C1R: variants seen among roughly 807,000 people sequenced by gnomAD.
The protein encoded by C1R is complement C1r.
C1R carries 15 observed loss-of-function variants against 27.6 expected under a neutral mutation model. The observed-to-expected ratio is 0.54, with a 90% CI of 0.36 to 0.84. The LOEUF (loss-of-function observed/expected upper bound fraction) is 0.84. Among genes scored for constraint, C1R ranks in the 40% least tolerant of loss-of-function variants. The pLI is 0.01. For missense variants in C1R, 544 were observed against 577.9 expected, an observed-to-expected ratio of 0.94 and a Z score of 0.60; for synonymous variants, 253 against 228.8, an observed-to-expected ratio of 1.11 and a Z score of -0.95.
At position 7,091,479 on chromosome 12, in the gene C1R, A is replaced by G; in HGVS notation, c.204T>C (p.Ser68=). 1.3e-6 allele frequency: 1 copy of G among 774,434 alleles called. No individual in the cohort carries two copies. Among genetic ancestry groups the G allele is most frequent in the Non-Finnish European group, 2.4e-6 (1 of 414,952 alleles). 48.0% of individuals were successfully genotyped at this position (774,434 alleles called of 1,614,324 possible). A position where few individuals can be genotyped will look rare whatever the true frequency, so the allele number is the denominator to read the frequency against. Residue 68 remains serine, a synonymous_variant, in exon 2 of 11, where the codon TCT becomes TCC. Coordinates refer to ENST00000647956, the MANE Select transcript of C1R (RefSeq NM_001733.7). The surrounding 1 kb of genome is among the most constrained non-coding windows in gnomAD (Gnocchi z 5.1). ...LVFQQFDLEP[S]EGCFYDYVKI... ...TGACATAATCATAGAAGCAGCCTTC[A>G]GAAGGCTCCAGGTCAAACTGCTGGA...
chr12:7,089,533 G>T lies in C1R; in HGVS notation c.572-44C>A, dbSNP rs752287162. ...AGGGCATTACGGGGGACTCCAGCTG[G>T]CCCAGCAAGCCCTGGCTCAACCCCT... On this transcript the variant is annotated intron_variant, in intron 4 of 10. Transcript: ENST00000647956. 6.4e-6 allele frequency: 5 copies of T among 779,952 alleles called. No homozygotes were observed. In the African/African-American group the frequency reaches 8.4e-5, roughly 13 times the overall value. The allele number at this position is 779,952 out of a possible 1,614,324, so 48.3% of individuals were successfully genotyped here.
chr12:7,088,736 TG>T lies in C1R; in HGVS notation c.917-6del. 1 of 777,880 alleles carries T rather than the reference TG, an allele frequency of 1.3e-6. No homozygotes were observed. The highest frequency in any genetic ancestry group is 1.7e-5 in the Admixed American group (1 of 58,524). The allele number at this position is 777,880 out of a possible 1,614,324, so 48.2% of individuals were successfully genotyped here. On this transcript the variant is annotated splice_polypyrimidine_tract_variant and splice_region_variant and intron_variant, in intron 6 of 10. Transcript: ENST00000647956. ...TGGGCTGGGGGCACTTGATGACTGTTGGGGAGACCAGGGGGCATATTTATTT... is the reference window on the plus strand; with the variant it reads ...TGGGCTGGGGGCACTTGATGACTGTTGGGAGACCAGGGGGCATATTTATTT...
In C1R at chr12:7,092,021, C is replaced by T. The variant is rs143151468; in HGVS notation, c.3-341G>A. On this transcript the variant is annotated intron_variant, in intron 1 of 10. Coordinates refer to ENST00000647956, the MANE Select transcript of C1R (RefSeq NM_001733.7). ...CCAGTTAATGGAGGGTGAGGGTTTC[C>T]ACCCGTGGGTCTCTGAAAGGGCTCC... 1.0e-3 allele frequency: 569 copies of T among 559,426 alleles called. 3 individuals carry two copies. The highest frequency in any genetic ancestry group is 8.9e-3 in the African/African-American group (475 of 53,530). The allele number at this position is 559,426 out of a possible 1,614,324, so 34.7% of individuals were successfully genotyped here. A position where few individuals can be genotyped will look rare whatever the true frequency, so the allele number is the denominator to read the frequency against.
intron 7 of C1R, chr12:7,087,704 A>G (rs1938176706): frequency 1.3e-5 from 2 of 154,394 alleles, no homozygotes. Context: ...ACTCGACTTG[A>G]TGCAACATTC....
intron 10 of C1R, 98 bp from the exon 11 acceptor site, chr12:7,081,399 G>A (rs1239060495): frequency 1.8e-6 from 2 of 1,120,282 alleles, no homozygotes; most frequent in African/African-American, 3.1e-5. Flanking sequence ...TCTCTTTTTG[G>A]CTTCTGTCTC....
chr12:7,080,843 T>C lies in C1R; in HGVS notation c.1807A>G (p.Ile603Val). 1.2e-6 allele frequency: 2 copies of C among 1,613,864 alleles called. No homozygotes were observed. The highest frequency in any genetic ancestry group is 1.1e-5 in the South Asian group (1 of 91,074). Residue 603 changes from isoleucine (I) to valine (V), a missense_variant, in exon 11 of 11, where the codon ATT (isoleucine) becomes GTT (valine). Coordinates refer to ENST00000647956, the MANE Select transcript of C1R (RefSeq NM_001733.7). The surrounding 1 kb of genome is among the most constrained non-coding windows in gnomAD (Gnocchi z 4.9). ...CGGACAAACCTGAGGTCATGAGCAA[T>C]CTTCTCCTCCATGACCCCGAAGCCA... ...VSGFGVMEEK[I>V]AHDLRFVRLP... is the part of the protein sequence containing the mutation.
At chr12:7,085,814 C>A in intron 9 of C1R, 47 bp downstream of exon 9, 1 of 398,386 alleles carries the variant, frequency 2.5e-6, no homozygotes, top group South Asian at 1.3e-4. Flanking sequence ...CAGAGGATAC[C>A]CCAAGGGGAT....
At chr12:7,084,737 G>A (rs1349741497) in intron 9 of C1R, among the ~76,000 whole-genome samples, 13 of 45,692 alleles carry the variant, frequency 2.8e-4, no homozygotes, top group South Asian at 2.6e-3. Flanking sequence ...GTTGGTGGTG[G>A]TGATGGTGTT....
Position 7,080,607 on chromosome 12 carries a change from G to C in C1R, c.2043C>G (p.Ser681Arg). The C allele has an allele frequency of 6.2e-7, 1 of 1,613,110 alleles. No individual in the cohort carries two copies. The highest frequency in any genetic ancestry group is 8.5e-7 in the Non-Finnish European group (1 of 1,179,370). The part of the protein sequence containing the change: ...TGIVSWGIGC[S>R]RGYGFYTKVL... ...CTTTGGTGTAGAAGCCATAGCCCCT[G>C]CTGCACCCGATGCCCCAGGACACGA... is the stretch of plus-strand genomic sequence containing the variant. Residue 681 changes from serine to arginine, a missense_variant, in exon 11 of 11, where the codon AGC (serine) becomes AGG (arginine). This residue lies in a region of C1R where 253 missense variants were observed against 368.9 expected (regional missense o/e 0.69). Transcript: ENST00000647956. The surrounding 1 kb of genome is among the most constrained non-coding windows in gnomAD (Gnocchi z 4.9).
chr12:7,088,383 T>C lies in C1R; in HGVS notation c.1038+227A>G, dbSNP rs1269007552. 7.1e-6 allele frequency: 5 copies of C among 700,180 alleles called. No homozygotes were observed. In the African/African-American group the frequency reaches 8.7e-5, roughly 12 times the overall value. The allele number at this position is 700,180 out of a possible 1,614,324, so 43.4% of individuals were successfully genotyped here. On this transcript the variant is annotated intron_variant, in intron 7 of 10. Transcript: ENST00000647956. ...CTATATTGCTCAGGCTGGAGTGCAG[T>C]GGCTATTCACAGGGGCCTTGAATGA...
chr12:7,086,532 G>T, intron 7 of C1R, 75 bp from the exon 8 acceptor site: 1 of 397,782 alleles, frequency 2.5e-6, no homozygotes, highest in South Asian at 1.3e-4. Flanking sequence ...TTCCACACAG[G>T]AGTGGGAGGC....
intron 2 of C1R, among the ~76,000 whole-genome samples, chr12:7,090,815 C>T (rs941007278): frequency 2.0e-5 from 3 of 152,162 alleles, no homozygotes; most frequent in East Asian, 3.9e-4. Context: ...AAACGCCCTC[C>T]CCCAACACTG....
chr12:7,090,853 A>C (rs1325791553), intron 2 of C1R, among the ~76,000 whole-genome samples: 1 of 152,198 alleles, frequency 6.6e-6, no homozygotes, highest in African/African-American at 2.4e-5. Context: ...CTGAGCCGGT[A>C]AGACGTGCCA....
rs752618437 is a variant in C1R, at chr12:7,081,254, C to T, written c.1396G>A (p.Gly466Arg). ...TTGCCCATCTTGGCTTTTTGCCCTC[C>T]GATGATGCGCTGCCTCTGTTCCACG... ...NPVEQRQRII[G>R]GQKAKMGNFP... Residue 466 changes from glycine to arginine, a missense_variant, in exon 11 of 11, where the codon GGA (glycine) becomes AGA (arginine). This residue lies in a region of C1R where 253 missense variants were observed against 368.9 expected (regional missense o/e 0.69). Coordinates refer to ENST00000647956, the MANE Select transcript of C1R (RefSeq NM_001733.7). 4.3e-6 allele frequency: 7 copies of T among 1,612,444 alleles called. No homozygotes were observed. Among genetic ancestry groups the T allele is most frequent in the East Asian group, 4.5e-5 (2 of 44,808 alleles).
intron 1 of C1R, 148 bp downstream of exon 1, chr12:7,092,239 G>T: frequency 1.4e-6 from 1 of 713,744 alleles, no homozygotes; most frequent in Non-Finnish European, 2.6e-6. Context: ...GATGGGGCGT[G>T]TGTTGTGTGT....
Position 7,090,183 on chromosome 12 carries a change from G to A in C1R, c.297C>T (p.Pro99=). Residue 99 remains proline (P), a synonymous_variant, in exon 3 of 11, where the codon CCC becomes CCT. Transcript: ENST00000647956. ...CGQLGSPLGN[P]PGKKEFMSQG... is the part of the protein sequence containing the mutation. ...GGGACATAAATTCCTTCTTTCCCGG[G>A]GGGTTGCCCAGTGGAGAACCCAGTT... 1 of 757,034 alleles carries A rather than the reference G, an allele frequency of 1.3e-6. No individual in the cohort carries two copies. The highest frequency in any genetic ancestry group is 1.7e-5 in the African/African-American group (1 of 58,814). The allele number at this position is 757,034 out of a possible 1,614,324, so 46.9% of individuals were successfully genotyped here. A position where few individuals can be genotyped will look rare whatever the true frequency, so the allele number is the denominator to read the frequency against.
chr12:7,084,679 T>A (rs1417981660), intron 9 of C1R, among the ~76,000 whole-genome samples: 1 of 69,996 alleles, frequency 1.4e-5, no homozygotes, highest in African/African-American at 6.5e-5. Flanking sequence ...GTAATGGTGA[T>A]AGTGGTGATG....
chr12:7,091,411 C>T lies in C1R; in HGVS notation c.231+41G>A, dbSNP rs986495631. 7.0e-6 allele frequency: 5 copies of T among 718,846 alleles called. No homozygotes were observed. The East Asian group carries it at 1.3e-4, about 19-fold the overall frequency. The allele number at this position is 718,846 out of a possible 1,614,324, so 44.5% of individuals were successfully genotyped here. A position where few individuals can be genotyped will look rare whatever the true frequency, so the allele number is the denominator to read the frequency against. ...CATACAGATCCCAGATCCCAGAGGG[C>T]CCAGTTTTGTCTCCCCTCTGCCCGC... On this transcript the variant is annotated intron_variant, in intron 2 of 10. Transcript: ENST00000647956. This position sits in a 1 kb window ranked among gnomAD's most constrained non-coding sequence, Gnocchi z 5.1.
chr12:7,091,277 C>T lies in C1R; in HGVS notation c.231+175G>A, dbSNP rs879425180. The T allele has an allele frequency of 2.7e-5, 16 of 603,082 alleles. No individual in the cohort carries two copies. The East Asian group carries it at 2.8e-4, about 11-fold the overall frequency. The allele number at this position is 603,082 out of a possible 1,614,324, so 37.4% of individuals were successfully genotyped here. ...CTGTGCTTCTCCCCTCAGTGCTCACCGAGGGCCTCTACACCAGTGAGCGCC... is the reference window on the plus strand; with the variant it reads ...CTGTGCTTCTCCCCTCAGTGCTCACTGAGGGCCTCTACACCAGTGAGCGCC... On this transcript the variant is annotated intron_variant, in intron 2 of 10. Transcript: ENST00000647956. The surrounding 1 kb of genome is among the most constrained non-coding windows in gnomAD (Gnocchi z 5.1).
Sources: allele counts gnomAD v4.1 joint callset (sites outside exome capture counted in the v4.1 genomes callset), GRCh38; gene constraint gnomAD v4.1.1; regional missense constraint gnomAD v4.1.1; non-coding constraint Gnocchi (gnomAD v3.1); transcripts MANE v1.5; gene names NCBI Gene and HGNC (gene_info 2026-07-23, HGNC 2026-07-21).